ANKMY1: variants seen among roughly 807,000 people sequenced by gnomAD.
ANKMY1 encodes ankyrin repeat and MYND domain containing 1.
In ANKMY1, 98 loss-of-function variants were observed where a neutral mutation model predicts 102.0. The ratio of observed to expected loss-of-function variants is 0.96; its 90% CI spans 0.82 to 1.14. ANKMY1 has a LOEUF of 1.14. ANKMY1 is among the 50% of genes most tolerant of loss of function. The pLI is 0.00. For synonymous variants in ANKMY1, 582 were observed against 559.9 expected, an observed-to-expected ratio of 1.04 and a Z score of -0.56; for missense variants, 1,330 against 1,347.6, an observed-to-expected ratio of 0.99 and a Z score of 0.20.
intron 2 of ANKMY1, 49 bp from the exon 3 acceptor site, chr2:240,555,104 C>T (rs2092147945): frequency 1.3e-6 from 2 of 1,588,696 alleles, no homozygotes; most frequent in Non-Finnish European, 1.7e-6. Context: ...GCTGCAGTGC[C>T]TTCAGTGACT....
intron 4 of ANKMY1, among the ~76,000 whole-genome samples, chr2:240,551,731 G>A (rs1361132549): frequency 6.6e-6 from 1 of 152,172 alleles, no homozygotes; most frequent in East Asian, 1.9e-4. Flanking sequence ...TCAGCATGGA[G>A]CAGCCAGAAA....
Position 240,544,057 on chromosome 2 carries a change from CTA to C in ANKMY1, c.480+8855_480+8856del, listed in dbSNP as rs201754019. Among the ~76,000 whole-genome samples the C allele has an allele frequency of 3.3e-3, 498 of 152,106 alleles. 3 individuals are homozygous for C. Among genetic ancestry groups the C allele is most frequent in the Non-Finnish European group, 4.2e-3 (286 of 67,990 alleles). Reference sequence around the variant, plus strand: ...TAATTTTGTCCAACTTAGACGTTATCTAAAGGTTAGTTCAAATTATAGAGTTA... The same window carrying C: ...TAATTTTGTCCAACTTAGACGTTATCAAGGTTAGTTCAAATTATAGAGTTA... On this transcript the variant is annotated intron_variant, in intron 4 of 17. Coordinates refer to ENST00000401804, the MANE Select transcript of ANKMY1 (RefSeq NM_001282771.3).
Position 240,553,052 on chromosome 2 carries a change from G to A in ANKMY1, c.342C>T (p.Tyr114=). The part of the protein sequence containing the change: ...GKFSWPTGES[Y]HGQFYRDHCH... Reference sequence around the variant, plus strand: ...AGTGGTCCCGGTAAAACTGCCCATGGTATGACTGTGAGATGGAGAAGTTGG... The same window carrying A: ...AGTGGTCCCGGTAAAACTGCCCATGATATGACTGTGAGATGGAGAAGTTGG... Residue 114 remains tyrosine, a synonymous_variant, in exon 4 of 18, where the codon TAC becomes TAT. Transcript: ENST00000401804. 6.2e-7 allele frequency: 1 copy of A among 1,613,304 alleles called. No individual in the cohort carries two copies. The highest frequency in any genetic ancestry group is 8.5e-7 in the Non-Finnish European group (1 of 1,179,436).
rs201362755 is a variant in ANKMY1 at position 240,525,673 on chromosome 2, C to T, written c.1335+12G>A. ...AGACAGTTGGTGGTGCAGTGGCCAC[C>T]GGGGGGCTTACCTGGGGCTCAGGTA... is the stretch of plus-strand genomic sequence containing the variant. On this transcript the variant is annotated intron_variant, in intron 7 of 17. Coordinates refer to ENST00000401804, the MANE Select transcript of ANKMY1 (RefSeq NM_001282771.3). The T allele has an allele frequency of 6.4e-5, 103 of 1,612,746 alleles. No homozygotes were observed. The Middle Eastern group carries it at 2.1e-3, about 34-fold the overall frequency.
rs536311543 is a variant in ANKMY1 at position 240,487,987 on chromosome 2, C to T, written c.2807-5726G>A. ...GAAACTCTTTAGTTTTATTAAATCC[C>T]ATTTGTCTATTTTTGGTTTTGTTGC... On this transcript the variant is annotated intron_variant, in intron 15 of 17. Transcript: ENST00000401804. Among the ~76,000 whole-genome samples the T allele has an allele frequency of 2.6e-5, 4 of 152,152 alleles. No individual in the cohort carries two copies. In the East Asian group the frequency reaches 7.7e-4, roughly 29 times the overall value.
intron 8 of ANKMY1, chr2:240,523,611 A>T: frequency 1.9e-6 from 1 of 525,848 alleles, no homozygotes; most frequent in Non-Finnish European, 3.4e-6. Context: ...CCAGTGCCAA[A>T]GGCCAAAGCA....
intron 2 of ANKMY1, chr2:240,555,333 C>A: frequency 2.2e-6 from 1 of 451,384 alleles, no homozygotes. Flanking sequence ...GCCTGTCCAG[C>A]CCGGGCCTGC....
In ANKMY1 at chr2:240,509,387, G is replaced by T; in HGVS notation, c.2355C>A (p.His785Gln). The change falls in exon 12 of 18, where the codon CAC becomes CAA. Residue 785 changes from histidine to glutamine, a missense_variant. Coordinates refer to ENST00000401804, the MANE Select transcript of ANKMY1 (RefSeq NM_001282771.3). The stretch of plus-strand genomic sequence containing the variant: ...TGGCAATGGACAGGGAGAGCGGGGA[G>T]TGGCCACTCCACAGCAGGTTAGGAT... ...GANPNLLWSG[H>Q]SPLSLSIASG... is the part of the protein sequence containing the mutation. The T allele has an allele frequency of 6.2e-7, 1 of 1,613,764 alleles. No homozygotes were observed. Among genetic ancestry groups the T allele is most frequent in the South Asian group, 1.1e-5 (1 of 91,034 alleles).
At chr2:240,484,567 G>T (rs1055384991) in intron 15 of ANKMY1, among the ~76,000 whole-genome samples, 9 of 152,148 alleles carry the variant, frequency 5.9e-5, no homozygotes, top group African/African-American at 2.2e-4. Context: ...ATGGATTAAA[G>T]ACTTAAATGT....
intron 9 of ANKMY1, among the ~76,000 whole-genome samples, chr2:240,515,269 T>G (rs1313453252): frequency 1.3e-5 from 2 of 152,192 alleles, no homozygotes; most frequent in African/African-American, 2.4e-5. Flanking sequence ...GGACGCGGTA[T>G]CTCACACCTG....
chr2:240,532,497 C>G (rs189287801), intron 4 of ANKMY1, among the ~76,000 whole-genome samples: 1 of 152,228 alleles, frequency 6.6e-6, no homozygotes. Flanking sequence ...GAGAGTGACT[C>G]TTGATAAAAG....
At chr2:240,497,468 G>A (rs1171801727) in intron 15 of ANKMY1, among the ~76,000 whole-genome samples, 1 of 152,210 alleles carries the variant, frequency 6.6e-6, no homozygotes, top group Non-Finnish European at 1.5e-5. Context: ...GTAGACCTTG[G>A]TTTAATACCA....
intron 13 of ANKMY1, among the ~76,000 whole-genome samples, chr2:240,501,409 A>G (rs1301707904): frequency 6.6e-6 from 1 of 152,156 alleles, no homozygotes; most frequent in Non-Finnish European, 1.5e-5. Flanking sequence ...TCCAAAGCAA[A>G]TATCATCTAA....
chr2:240,514,689 G>A (rs2080870196), intron 9 of ANKMY1, among the ~76,000 whole-genome samples: 1 of 152,250 alleles, frequency 6.6e-6, no homozygotes, highest in Admixed American at 6.5e-5. Context: ...GAAGCTGCAA[G>A]GTGCAAAATG....
intron 2 of ANKMY1, among the ~76,000 whole-genome samples, chr2:240,555,988 G>A (rs760385450): frequency 7.2e-5 from 11 of 152,236 alleles, no homozygotes; most frequent in Non-Finnish European, 1.5e-4. Context: ...CCCTGGCCAA[G>A]GTGCCAGCAG....
chr2:240,525,660 G>A, intron 7 of ANKMY1, 25 bp downstream of exon 7: 3 of 1,610,610 alleles, frequency 1.9e-6, no homozygotes, highest in East Asian at 2.2e-5. Flanking sequence ...ACAGTTGGTG[G>A]TGCAGTGGCC....
chr2:240,472,873 C>T, the ANKMY1 span, among the ~76,000 whole-genome samples: 3 of 152,274 alleles, frequency 2.0e-5, no homozygotes, highest in East Asian at 5.8e-4. Context: ...GCCTGTCATC[C>T]CAGCACTTTG....
chr2:240,525,430 C>A (rs1269827540), intron 7 of ANKMY1, among the ~76,000 whole-genome samples: 2 of 152,234 alleles, frequency 1.3e-5, no homozygotes, highest in Non-Finnish European at 2.9e-5. Context: ...CCCTTTCCTG[C>A]ACAGTGCTGG....
Position 240,557,241 on chromosome 2 carries a change from G to A in ANKMY1, c.95C>T (p.Pro32Leu), listed in dbSNP as rs2092448159. 6.3e-7 allele frequency: 1 copy of A among 1,593,890 alleles called. No individual in the cohort carries two copies. Among genetic ancestry groups the A allele is most frequent in the African/African-American group, 1.3e-5 (1 of 74,212 alleles). Residue 32 changes from proline to leucine, a missense_variant, in exon 2 of 18, where the codon CCT becomes CTT. Pro to Leu is a moderately conservative substitution (Grantham distance 98, BLOSUM62 -3). Transcript: ENST00000401804. ...RPLEGKGGET[P>L]AAEEPGSLKN... ...CAGGGACCCCGGCTCCTCGGCAGCA[G>A]GGGTCTCGCCGCCCTTCCCCTCTAG...
Sources: allele counts gnomAD v4.1 joint callset (sites outside exome capture counted in the v4.1 genomes callset), GRCh38; gene constraint gnomAD v4.1.1; transcripts MANE v1.5; gene names NCBI Gene and HGNC (gene_info 2026-07-23, HGNC 2026-07-21).